Variants in CIT observed in about 807,000 individuals in gnomAD.
The protein encoded by CIT is citron rho-interacting serine/threonine kinase.
Under a neutral mutation model 272.7 loss-of-function variants are expected in CIT, and 79 were observed. The observed-to-expected ratio is 0.29, with a 90% CI of 0.24 to 0.35. CIT has a LOEUF of 0.35. CIT is among the 10% of genes least tolerant of loss of function. The pLI, the probability that CIT is intolerant of heterozygous loss-of-function variation, is 1.00. For synonymous variants in CIT, 948 were observed against 995.6 expected, an observed-to-expected ratio of 0.95 and a Z score of 0.90; for missense variants, 1,909 against 2,618.3, an observed-to-expected ratio of 0.73 and a Z score of 5.91.
intron 30 of CIT, 46 bp downstream of exon 30, chr12:119,720,429 AATG>A (rs1177636621): frequency 2.3e-6 from 3 of 1,285,628 alleles, no homozygotes; most frequent in Non-Finnish European, 3.4e-6. Flanking sequence ...CTGAGCCATG[AATG>A]ATGAGTGAAA....
intron 10 of CIT, among the ~76,000 whole-genome samples, chr12:119,797,314 T>C (rs1456486440): frequency 1.3e-5 from 2 of 152,162 alleles, no homozygotes; most frequent in Non-Finnish European, 2.9e-5. Flanking sequence ...GAGAAGGCGG[T>C]GGAATGGTCC....
chr12:119,794,685 G>C (rs1965584214), intron 10 of CIT, among the ~76,000 whole-genome samples: 1 of 152,238 alleles, frequency 6.6e-6, no homozygotes, highest in Non-Finnish European at 1.5e-5. Flanking sequence ...TAGGACATCT[G>C]TCAGGCCCCC....
At chr12:119,816,030 T>C (rs993126145) in intron 9 of CIT, among the ~76,000 whole-genome samples, 7 of 152,224 alleles carry the variant, frequency 4.6e-5, no homozygotes, top group Non-Finnish European at 7.3e-5. Context: ...TCATTTGTAT[T>C]GTGGACTAGT....
At chr12:119,716,104 A>G (rs1428102110) in intron 32 of CIT, among the ~76,000 whole-genome samples, 1 of 152,094 alleles carries the variant, frequency 6.6e-6, no homozygotes, top group Non-Finnish European at 1.5e-5. Flanking sequence ...TGGGCTGGGC[A>G]CAGTGGCTCA....
intron 29 of CIT, 85 bp from the exon 30 acceptor site, chr12:119,720,670 G>A: frequency 4.3e-6 from 4 of 939,264 alleles, no homozygotes; most frequent in Non-Finnish European, 6.4e-6. Flanking sequence ...AAAAAGTGAA[G>A]TTGTTAGGAC....
intron 32 of CIT, among the ~76,000 whole-genome samples, chr12:119,716,238 C>T (rs2137097733): frequency 6.6e-6 from 1 of 151,664 alleles, no homozygotes; most frequent in East Asian, 1.9e-4. Context: ...ATTAGCCAGG[C>T]ATGGTGGCGC....
intron 13 of CIT, among the ~76,000 whole-genome samples, chr12:119,778,440 T>G (rs1428549120): frequency 6.6e-6 from 1 of 152,128 alleles, no homozygotes; most frequent in Admixed American, 6.6e-5. Flanking sequence ...GAACAAGGAA[T>G]TGAATCAAGA....
chr12:119,690,664 C>T lies in CIT; in HGVS notation c.5883-210G>A, dbSNP rs78859110. Among the ~76,000 whole-genome samples, 2,973 of 152,344 alleles carry T rather than the reference C, an allele frequency of 0.02. 48 individuals are homozygous for T. The highest frequency in any genetic ancestry group is 0.038 in the South Asian group (181 of 4,822). The stretch of plus-strand genomic sequence containing the variant: ...ATGGCAACAAAAGACAACCCACCTT[C>T]CTCAGTGCAGGCTTTCATTTACTGA... On this transcript the variant is annotated intron_variant, in intron 46 of 47. Transcript: ENST00000392521. The surrounding 1 kb of genome is among the most constrained non-coding windows in gnomAD (Gnocchi z 6.0).
At chr12:119,787,524 G>A (rs1964903936) in intron 10 of CIT, among the ~76,000 whole-genome samples, 1 of 151,488 alleles carries the variant, frequency 6.6e-6, no homozygotes, top group Non-Finnish European at 1.5e-5. Flanking sequence ...GAGGTCAGGA[G>A]ATCCAGACCA....
At chr12:119,857,733 A>G in intron 3 of CIT, 35 bp from the exon 4 acceptor site, 1 of 1,584,588 alleles carries the variant, frequency 6.3e-7, no homozygotes, top group Non-Finnish European at 8.6e-7. Context: ...CCAGGTAAAT[A>G]AAGCATGCAA....
At chr12:119,790,954 T>C (rs1965256366) in intron 10 of CIT, among the ~76,000 whole-genome samples, 1 of 152,338 alleles carries the variant, frequency 6.6e-6, no homozygotes, top group African/African-American at 2.4e-5. Context: ...TGCTCATTTA[T>C]TGAGCACGTG....
intron 9 of CIT, among the ~76,000 whole-genome samples, chr12:119,808,546 C>T (rs1210244414): frequency 2.6e-5 from 4 of 151,790 alleles, no homozygotes; most frequent in African/African-American, 9.7e-5. Context: ...AATACTGAGC[C>T]TCGTAAAACT....
chr12:119,773,199 T>C (rs1183403727), intron 16 of CIT, among the ~76,000 whole-genome samples: 12 of 152,138 alleles, frequency 7.9e-5, no homozygotes. Flanking sequence ...CATTTTTCTT[T>C]CTTGGGGTAT....
chr12:119,832,186 T>G (rs957678271), intron 7 of CIT, among the ~76,000 whole-genome samples: 1 of 152,218 alleles, frequency 6.6e-6, no homozygotes, highest in Non-Finnish European at 1.5e-5. Flanking sequence ...ATTTTTAAAC[T>G]CTAATCTTTT....
At chr12:119,741,609 G>A (rs1241579762) in intron 24 of CIT, among the ~76,000 whole-genome samples, 3 of 152,202 alleles carry the variant, frequency 2.0e-5, no homozygotes, top group Non-Finnish European at 2.9e-5. Flanking sequence ...ATGTATGTGT[G>A]TGGAGGCTGG....
intron 44 of CIT, among the ~76,000 whole-genome samples, chr12:119,698,706 C>A (rs1376787274): frequency 6.6e-6 from 1 of 152,044 alleles, no homozygotes; most frequent in Non-Finnish European, 1.5e-5. Context: ...CTGCTCAGTG[C>A]AAAAAGCAAG....
intron 16 of CIT, among the ~76,000 whole-genome samples, chr12:119,773,811 T>C (rs906289826): frequency 1.3e-5 from 2 of 152,178 alleles, no homozygotes; most frequent in African/African-American, 2.4e-5. Context: ...CACACTTTGA[T>C]TGGAGAGCAG....
At position 119,776,426 on chromosome 12, in the gene CIT, C is replaced by T; in HGVS notation, c.1837-18G>A. On this transcript the variant is annotated intron_variant, in intron 14 of 47. Coordinates refer to ENST00000392521, the MANE Select transcript of CIT (RefSeq NM_001206999.2). ...TCCTTAGCCTGTAATTAAAAAGACACAACATATTGGGAAATCTCAACAACC... is the reference window on the plus strand; with the variant it reads ...TCCTTAGCCTGTAATTAAAAAGACATAACATATTGGGAAATCTCAACAACC... 1 of 1,610,056 alleles carries T rather than the reference C, an allele frequency of 6.2e-7. No homozygotes were observed.
intron 4 of CIT, among the ~76,000 whole-genome samples, chr12:119,853,941 C>G (rs889386506): frequency 1.3e-5 from 2 of 152,052 alleles, no homozygotes; most frequent in East Asian, 3.9e-4. Flanking sequence ...AATCCCAACA[C>G]TTTGGGAGGG....
Sources: allele counts gnomAD v4.1 joint callset (sites outside exome capture counted in the v4.1 genomes callset), GRCh38; gene constraint gnomAD v4.1.1; non-coding constraint Gnocchi (gnomAD v3.1); transcripts MANE v1.5; gene names NCBI Gene and HGNC (gene_info 2026-07-23, HGNC 2026-07-21).